Variants in CDH17 observed in about 807,000 individuals in gnomAD.
The protein encoded by CDH17 is cadherin 17, also known as cadherin-17.
Under a neutral mutation model 86.3 loss-of-function variants are expected in CDH17, and 67 were observed. The ratio of observed to expected loss-of-function variants is 0.78; its 90% confidence interval spans 0.64 to 0.95. CDH17 has a LOEUF of 0.95. Ranked by LOEUF, CDH17 falls within the 40% of genes least tolerant of loss-of-function variation. CDH17 has a pLI of 0.00. For synonymous variants in CDH17, 367 were observed against 366.4 expected, an observed-to-expected ratio of 1.00 and a Z score of -0.02; for missense variants, 993 against 1,017.6, an observed-to-expected ratio of 0.98 and a Z score of 0.33.
Position 94,165,940 on chromosome 8 carries a change from TC to T in CDH17, c.1102del (p.Asp368MetfsTer10). On this transcript the variant is annotated frameshift_variant, in exon 10 of 18. Coordinates refer to ENST00000027335, the MANE Select transcript of CDH17 (RefSeq NM_004063.4). LOFTEE classifies it high-confidence loss of function. ...SIGTLTAHDR[D>X]EENTANSFLN... Reference sequence around the variant, plus strand: ...AAAACTGTTGGCAGTATTTTCTTCATCCCTGTCATGTGCAGTAAGGGTCCCG... The same window carrying T: ...AAAACTGTTGGCAGTATTTTCTTCATCCTGTCATGTGCAGTAAGGGTCCCG... 1.2e-6 allele frequency: 2 copies of T among 1,613,884 alleles called. No homozygotes were observed. Among genetic ancestry groups the T allele is most frequent in the Non-Finnish European group, 1.7e-6 (2 of 1,179,856 alleles).
chr8:94,199,054 TATATATATATATATATATATATATATATA>T (rs1813843253), intron 1 of CDH17, among the ~76,000 whole-genome samples: 1 of 22,436 alleles, frequency 4.5e-5, no homozygotes, highest in African/African-American at 2.1e-4. Context: ...TATATATATA[TATATATATATATATATATATATATATATA>T]TTTTTTTTTT....
At chr8:94,162,002 C>T (rs2130620731) in intron 11 of CDH17, 84 bp downstream of exon 11, 3 of 862,858 alleles carry the variant, frequency 3.5e-6, no homozygotes, top group Non-Finnish European at 5.8e-6. Flanking sequence ...CTTTTCCTAG[C>T]TACTGTCTGT....
At chr8:94,215,712 G>A (rs956809358) in intron 1 of CDH17, among the ~76,000 whole-genome samples, 4 of 152,068 alleles carry the variant, frequency 2.6e-5, no homozygotes, top group Admixed American at 6.6e-5. Flanking sequence ...CATATTCACT[G>A]CAAAATAATG....
At chr8:94,131,041 T>TA (rs757457828) in intron 15 of CDH17, 49 bp from the exon 16 acceptor site, 1 of 967,294 alleles carries the variant, frequency 1.0e-6, no homozygotes, top group South Asian at 1.3e-5. Flanking sequence ...GACCCTGGAT[T>TA]AGCAGGAATA....
chr8:94,179,729 G>A (rs1184794627), intron 3 of CDH17, among the ~76,000 whole-genome samples: 1 of 152,198 alleles, frequency 6.6e-6, no homozygotes, highest in Non-Finnish European at 1.5e-5. Flanking sequence ...CTAGTCATTA[G>A]CTGAACACTA....
In CDH17 at chr8:94,199,038, GATATATATATATATATATATATATATAT is replaced by G. The variant is rs869128612; in HGVS notation, c.-20-4361_-20-4334del. Among the ~76,000 whole-genome samples the G allele has an allele frequency of 6.5e-3, 479 of 73,394 alleles. 9 individuals carry two copies. The highest frequency in any genetic ancestry group is 0.027 in the African/African-American group (407 of 14,806). 48.1% of individuals were successfully genotyped at this position (73,394 alleles called of 152,430 possible). Reference sequence around the variant, plus strand: ...CTTCCTCTCAGAGCCAGTTCTGATTGATATATATATATATATATATATATATATATATATATATATATATATTTTTTTT... The same window carrying G: ...CTTCCTCTCAGAGCCAGTTCTGATTGATATATATATATATATATTTTTTTT... On this transcript the variant is annotated intron_variant, in intron 1 of 17. Transcript: ENST00000027335.
chr8:94,183,915 C>T (rs1813529145), intron 3 of CDH17, among the ~76,000 whole-genome samples: 1 of 151,878 alleles, frequency 6.6e-6, no homozygotes, highest in African/African-American at 2.4e-5. Context: ...GAATAGACAT[C>T]TCTCCCAAGA....
In CDH17 at chr8:94,201,456, G is replaced by C. The variant is rs1374998961; in HGVS notation, c.-20-6751C>G. Among the ~76,000 whole-genome samples, 4 of 152,164 alleles carry C rather than the reference G, an allele frequency of 2.6e-5. No homozygotes were observed. In the East Asian group the frequency reaches 7.7e-4, roughly 29 times the overall value. On this transcript the variant is annotated intron_variant, in intron 1 of 17. Transcript: ENST00000027335. ...TCCACAATGACTGATGTCCTTCTAAGAAGAGATTTGGAGACAGGCTCATCC... is the reference window on the plus strand; with the variant it reads ...TCCACAATGACTGATGTCCTTCTAACAAGAGATTTGGAGACAGGCTCATCC...
intron 15 of CDH17, among the ~76,000 whole-genome samples, chr8:94,139,994 G>A (rs1398736826): frequency 6.6e-6 from 1 of 152,162 alleles, no homozygotes; most frequent in Non-Finnish European, 1.5e-5. Context: ...ATGTTTTCTG[G>A]TTATGATGTA....
chr8:94,139,584 A>G (rs1369274722), intron 15 of CDH17, among the ~76,000 whole-genome samples: 2 of 152,220 alleles, frequency 1.3e-5, no homozygotes, highest in African/African-American at 4.8e-5. Context: ...AAAAGAATAC[A>G]AACATTCAAT....
intron 7 of CDH17, among the ~76,000 whole-genome samples, chr8:94,173,011 C>G (rs1813298816): frequency 6.6e-6 from 1 of 152,140 alleles, no homozygotes; most frequent in South Asian, 2.1e-4. Context: ...GAAGCAGCAG[C>G]CTTTCAAATC....
Position 94,160,045 on chromosome 8 carries a change from T to A in CDH17, c.1477A>T (p.Lys493Ter). The A allele has an allele frequency of 6.2e-7, 1 of 1,613,838 alleles. No individual in the cohort carries two copies. The highest frequency in any genetic ancestry group is 1.1e-5 in the South Asian group (1 of 90,988). Residue 493 changes from lysine to a stop codon, truncating the protein, a stop_gained, in exon 12 of 18, where the codon AAG (lysine) becomes TAG (stop). Coordinates refer to ENST00000027335, the MANE Select transcript of CDH17 (RefSeq NM_004063.4). LOFTEE classifies it high-confidence loss of function. ...GSSKILYHII[K>*]GDSEGRLGVD... ...CCCAGGCGTCCCTCACTGTCTCCCT[T>A]TATGATATGATACAGAATTTTAGAA...
chr8:94,172,700 C>G (rs1350963286), intron 7 of CDH17, among the ~76,000 whole-genome samples: 1 of 152,160 alleles, frequency 6.6e-6, no homozygotes, highest in East Asian at 1.9e-4. Flanking sequence ...TAACCCACAG[C>G]TTTCATGTGG....
chr8:94,141,959 C>G (rs1812647029), intron 15 of CDH17, among the ~76,000 whole-genome samples: 1 of 152,156 alleles, frequency 6.6e-6, no homozygotes, highest in Non-Finnish European at 1.5e-5. Flanking sequence ...AAGCCTTATA[C>G]AGCTACAGCA....
rs71510475 is a variant in CDH17 at position 94,199,083 on chromosome 8, ATTTT to A, written c.-20-4382_-20-4379del. On this transcript the variant is annotated intron_variant, in intron 1 of 17. Transcript: ENST00000027335. Reference sequence around the variant, plus strand: ...TATATATATATATATATATATATATATTTTTTTTTTTTTATCATTTGTCTGTTAG... The same window carrying A: ...TATATATATATATATATATATATATATTTTTTTTTATCATTTGTCTGTTAG... Among the ~76,000 whole-genome samples, 219 of 23,118 alleles carry A rather than the reference ATTTT, an allele frequency of 9.5e-3. 5 individuals are homozygous for A. Among genetic ancestry groups the A allele is most frequent in the East Asian group, 0.036 (30 of 824 alleles). The allele number at this position is 23,118 out of a possible 152,430, so 15.2% of individuals were successfully genotyped here. A position where few individuals can be genotyped will look rare whatever the true frequency, so the allele number is the denominator to read the frequency against.
rs868237491 is a variant in CDH17, at chr8:94,187,391, G to A, written c.150+1796C>T. Among the ~76,000 whole-genome samples the A allele has an allele frequency of 2.0e-5, 3 of 152,318 alleles. 1 individual carries two copies. The highest frequency in any genetic ancestry group is 1.5e-5 in the Non-Finnish European group (1 of 68,026). ...TAGCTGGTAAGCTCACCGGAGCAGG[G>A]ATGGAGTCGGGGTCATCCCATATCC... On this transcript the variant is annotated intron_variant, in intron 3 of 17. Transcript: ENST00000027335.
At chr8:94,188,679 G>A (rs921187064) in intron 3 of CDH17, among the ~76,000 whole-genome samples, 14 of 152,168 alleles carry the variant, frequency 9.2e-5, no homozygotes, top group African/African-American at 3.1e-4. Flanking sequence ...TACTGTTCAT[G>A]GTTATCTAAC....
At chr8:94,175,733 T>C (rs1445946859) in intron 5 of CDH17, among the ~76,000 whole-genome samples, 1 of 152,066 alleles carries the variant, frequency 6.6e-6, no homozygotes, top group Non-Finnish European at 1.5e-5. Context: ...AGAGAAGGGC[T>C]GAGCCACAGA....
rs534874544 is a variant in CDH17, at chr8:94,133,153, C to G, written c.2168-2161G>C. ...TAGGATTGTCTTGGCAATGCGGGCT[C>G]TTTTTTGGTTCCATATGAACTTTAC... is the stretch of plus-strand genomic sequence containing the variant. On this transcript the variant is annotated intron_variant, in intron 15 of 17. Coordinates refer to ENST00000027335, the MANE Select transcript of CDH17 (RefSeq NM_004063.4). Among the ~76,000 whole-genome samples, 7 of 152,214 alleles carry G rather than the reference C, an allele frequency of 4.6e-5. No individual in the cohort carries two copies. In the South Asian group the frequency reaches 1.0e-3, roughly 23 times the overall value.
Sources: gnomAD v4.1 joint callset for allele counts (sites outside exome capture counted in the v4.1 genomes callset) on GRCh38, gnomAD v4.1.1 for gene constraint, MANE v1.5 for transcripts, NCBI Gene and HGNC (gene_info 2026-07-23, HGNC 2026-07-21) for gene names.